The following ATP6V1G2 variants were observed in gnomAD, a reference collection of about 807,000 sequenced individuals.
ATP6V1G2 encodes the protein ATPase H+ transporting V1 subunit G2.
ATP6V1G2 carries 14 observed loss-of-function variants against 17.8 expected under a neutral mutation model. That is an observed-to-expected ratio of 0.79 (90% CI 0.52 to 1.23). The LOEUF (loss-of-function observed/expected upper bound fraction) is 1.23, where lower values mean the gene tolerates loss of function less well. Among genes scored for constraint, ATP6V1G2 ranks in the 50% most tolerant of loss-of-function variants. The pLI is 0.00. For missense variants in ATP6V1G2, 112 were observed against 152.2 expected (o/e 0.74, Z 1.39); for synonymous variants, 57 against 54.8 (o/e 1.04, Z -0.17).
In ATP6V1G2 at chr6:31,546,338, C is replaced by T; in HGVS notation, c.83-129G>A. 8.0e-7 allele frequency: 1 copy of T among 1,253,944 alleles called. No individual in the cohort carries two copies. The highest frequency in any genetic ancestry group is 1.1e-6 in the Non-Finnish European group (1 of 879,122). 77.7% of individuals were successfully genotyped at this position (1,253,944 alleles called of 1,614,324 possible). A position where few individuals can be genotyped will look rare whatever the true frequency, so the allele number is the denominator to read the frequency against. ...CAACCAGGTGCCAGATTCTAATATC[C>T]ATCCATTTCTTCCCTCCTAACCAGC... On this transcript the variant is annotated intron_variant, in intron 1 of 2. Coordinates refer to ENST00000303892, the MANE Select transcript of ATP6V1G2 (RefSeq NM_130463.4). The surrounding 1 kb of genome is among the most constrained non-coding windows in gnomAD (Gnocchi z 4.1).
Position 31,545,113 on chromosome 6 carries a change from G to A in ATP6V1G2, c.*295C>T, listed in dbSNP as rs1306601719. The A allele has an allele frequency of 9.6e-6, 5 of 521,594 alleles. No homozygotes were observed. In the East Asian group the frequency reaches 1.6e-4, roughly 17 times the overall value. The allele number at this position is 521,594 out of a possible 1,614,324, so 32.3% of individuals were successfully genotyped here. On this transcript the variant is annotated 3_prime_UTR_variant, in exon 3 of 3. Transcript: ENST00000303892. The surrounding 1 kb of genome is among the most constrained non-coding windows in gnomAD (Gnocchi z 4.9). ...TCAAGAGAGGGACCCACATCGGCCA[G>A]ACACTGAAGTCAGGATGTTTTCCAC...
In ATP6V1G2 at chr6:31,545,230, CAAG is replaced by C; in HGVS notation, c.*175_*177del. 2 of 755,232 alleles carry C rather than the reference CAAG, an allele frequency of 2.6e-6. No homozygotes were observed. Among genetic ancestry groups the C allele is most frequent in the Middle Eastern group, 5.7e-4 (2 of 3,502 alleles). The allele number at this position is 755,232 out of a possible 1,614,324, so 46.8% of individuals were successfully genotyped here. A position where few individuals can be genotyped will look rare whatever the true frequency, so the allele number is the denominator to read the frequency against. On this transcript the variant is annotated 3_prime_UTR_variant, in exon 3 of 3. Transcript: ENST00000303892. This position sits in a 1 kb window ranked among gnomAD's most constrained non-coding sequence, Gnocchi z 4.9. ...AGTCCCAGTGAGGGTTAAAGAACAA[CAAG>C]GAGATTCAGATGTGAGCAGGATATT...
rs1699979792 is a variant in ATP6V1G2 at position 31,545,994 on chromosome 6, CCCTCAG to C, written c.183+109_183+114del. Reference sequence around the variant, plus strand: ...CAATGTTGTGGTCCCTGCCAGGGTCCCCTCAGCCTCAGCCCTCTGCCACCATATTTT... The same window carrying C: ...CAATGTTGTGGTCCCTGCCAGGGTCCCCTCAGCCCTCTGCCACCATATTTT... On this transcript the variant is annotated intron_variant, in intron 2 of 2. Transcript: ENST00000303892. The surrounding 1 kb of genome is among the most constrained non-coding windows in gnomAD (Gnocchi z 4.9). 2.0e-6 allele frequency: 2 copies of C among 1,017,908 alleles called. No individual in the cohort carries two copies. The highest frequency in any genetic ancestry group is 3.1e-6 in the Non-Finnish European group (2 of 647,792). The allele number at this position is 1,017,908 out of a possible 1,614,324, so 63.1% of individuals were successfully genotyped here.
chr6:31,546,429 A>G lies in ATP6V1G2; in HGVS notation c.82+49T>C. ...TTTCCCAAAATGTTTGCTGTCCCCC[A>G]CCCCCAATTTTCTTTCCAAACTCCT... On this transcript the variant is annotated intron_variant, in intron 1 of 2. Coordinates refer to ENST00000303892, the MANE Select transcript of ATP6V1G2 (RefSeq NM_130463.4). The surrounding 1 kb of genome is among the most constrained non-coding windows in gnomAD (Gnocchi z 4.1). The G allele has an allele frequency of 1.3e-6, 2 of 1,560,256 alleles. No individual in the cohort carries two copies. Among genetic ancestry groups the G allele is most frequent in the Non-Finnish European group, 1.8e-6 (2 of 1,137,592 alleles).
Position 31,546,315 on chromosome 6 carries a change from A to G in ATP6V1G2, c.83-106T>C, listed in dbSNP as rs1768986634. ...AAGTTATACAGCCTTCTCTCAGCCA[A>G]CCAGGTGCCAGATTCTAATATCCAT... On this transcript the variant is annotated intron_variant, in intron 1 of 2. Transcript: ENST00000303892. The surrounding 1 kb of genome is among the most constrained non-coding windows in gnomAD (Gnocchi z 4.1). 3 of 1,295,096 alleles carry G rather than the reference A, an allele frequency of 2.3e-6. No individual in the cohort carries two copies. The highest frequency in any genetic ancestry group is 3.3e-6 in the Non-Finnish European group (3 of 905,674). The allele number at this position is 1,295,096 out of a possible 1,614,324, so 80.2% of individuals were successfully genotyped here. A position where few individuals can be genotyped will look rare whatever the true frequency, so the allele number is the denominator to read the frequency against.
rs1768997531 is a variant in ATP6V1G2, at chr6:31,546,432, C to G, written c.82+46G>C. 1 of 1,582,444 alleles carries G rather than the reference C, an allele frequency of 6.3e-7. No individual in the cohort carries two copies. Among genetic ancestry groups the G allele is most frequent in the African/African-American group, 1.3e-5 (1 of 74,196 alleles). ...CCCAAAATGTTTGCTGTCCCCCACCCCCAATTTTCTTTCCAAACTCCTAAG... is the reference window on the plus strand; with the variant it reads ...CCCAAAATGTTTGCTGTCCCCCACCGCCAATTTTCTTTCCAAACTCCTAAG... On this transcript the variant is annotated intron_variant, in intron 1 of 2. Coordinates refer to ENST00000303892, the MANE Select transcript of ATP6V1G2 (RefSeq NM_130463.4). This position sits in a 1 kb window ranked among gnomAD's most constrained non-coding sequence, Gnocchi z 4.1.
rs1768855225 is a variant in ATP6V1G2, at chr6:31,545,042, CAAGTT to C, written c.*361_*365del. On this transcript the variant is annotated 3_prime_UTR_variant, in exon 3 of 3. Transcript: ENST00000303892. The surrounding 1 kb of genome is among the most constrained non-coding windows in gnomAD (Gnocchi z 4.9). Reference sequence around the variant, plus strand: ...TCACAGAGGAGGACATCGAGGCTACCAAGTTAAGTAGCTTGTCCTGGTTTCACAGC... The same window carrying C: ...TCACAGAGGAGGACATCGAGGCTACCAAGTAGCTTGTCCTGGTTTCACAGC... 1.5e-5 allele frequency: 6 copies of C among 407,788 alleles called. No homozygotes were observed. Among genetic ancestry groups the C allele is most frequent in the South Asian group, 1.3e-4 (5 of 39,002 alleles). The allele number at this position is 407,788 out of a possible 1,614,324, so 25.3% of individuals were successfully genotyped here. A position where few individuals can be genotyped will look rare whatever the true frequency, so the allele number is the denominator to read the frequency against.
rs763181972 is a variant in ATP6V1G2 at position 31,546,431 on chromosome 6, C to T, written c.82+47G>A. On this transcript the variant is annotated intron_variant, in intron 1 of 2. Coordinates refer to ENST00000303892, the MANE Select transcript of ATP6V1G2 (RefSeq NM_130463.4). This position sits in a 1 kb window ranked among gnomAD's most constrained non-coding sequence, Gnocchi z 4.1. ...TCCCAAAATGTTTGCTGTCCCCCAC[C>T]CCCAATTTTCTTTCCAAACTCCTAA... is the stretch of plus-strand genomic sequence containing the variant. 2.4e-5 allele frequency: 38 copies of T among 1,578,804 alleles called. No homozygotes were observed. The Admixed American group carries it at 6.5e-4, about 27-fold the overall frequency.
Position 31,545,964 on chromosome 6 carries a change from T to C in ATP6V1G2, c.183+145A>G. ...ACTCTCCTACATATCATCACAAAGTTTCACCAATGTTGTGGTCCCTGCCAG... is the reference window on the plus strand; with the variant it reads ...ACTCTCCTACATATCATCACAAAGTCTCACCAATGTTGTGGTCCCTGCCAG... On this transcript the variant is annotated intron_variant, in intron 2 of 2. Coordinates refer to ENST00000303892, the MANE Select transcript of ATP6V1G2 (RefSeq NM_130463.4). The surrounding 1 kb of genome is among the most constrained non-coding windows in gnomAD (Gnocchi z 4.9). The C allele has an allele frequency of 1.3e-6, 1 of 769,738 alleles. No homozygotes were observed. The highest frequency in any genetic ancestry group is 2.2e-6 in the Non-Finnish European group (1 of 452,102). 47.7% of individuals were successfully genotyped at this position (769,738 alleles called of 1,614,324 possible).
In ATP6V1G2 at chr6:31,546,009, C is replaced by T. The variant is rs1768954036; in HGVS notation, c.183+100G>A. On this transcript the variant is annotated intron_variant, in intron 2 of 2. Coordinates refer to ENST00000303892, the MANE Select transcript of ATP6V1G2 (RefSeq NM_130463.4). The surrounding 1 kb of genome is among the most constrained non-coding windows in gnomAD (Gnocchi z 4.1). ...TGCCAGGGTCCCCTCAGCCTCAGCC[C>T]TCTGCCACCATATTTTCTTGTTGAG... 2 of 1,215,906 alleles carry T rather than the reference C, an allele frequency of 1.6e-6. No individual in the cohort carries two copies. The highest frequency in any genetic ancestry group is 2.4e-6 in the Non-Finnish European group (2 of 820,534). 75.3% of individuals were successfully genotyped at this position (1,215,906 alleles called of 1,614,324 possible).
At position 31,545,599 on chromosome 6, in the gene ATP6V1G2, G is replaced by A; in HGVS notation, c.184-18C>T. On this transcript the variant is annotated intron_variant, in intron 2 of 2. Coordinates refer to ENST00000303892, the MANE Select transcript of ATP6V1G2 (RefSeq NM_130463.4). The surrounding 1 kb of genome is among the most constrained non-coding windows in gnomAD (Gnocchi z 4.9). ...CCCATGGCCTGGGGGGTAGGGAGAG[G>A]GGTGGAAGAGAGAAAGGGAAAAGCA... The A allele has an allele frequency of 6.2e-7, 1 of 1,610,622 alleles. No individual in the cohort carries two copies. The highest frequency in any genetic ancestry group is 8.5e-7 in the Non-Finnish European group (1 of 1,178,584).
In ATP6V1G2 at chr6:31,545,509, T is replaced by C. The variant is rs374873236; in HGVS notation, c.256A>G (p.Ser86Gly). Residue 86 changes from serine to glycine, a missense_variant, in exon 3 of 3, where the codon AGC becomes GGC. By Grantham distance (56) the Ser-to-Gly change is moderately conservative. Transcript: ENST00000303892. This position sits in a 1 kb window ranked among gnomAD's most constrained non-coding sequence, Gnocchi z 4.9. ...CGCTCTCGGTTTCTCTGCTGGGAGC[T>C]CTGCATGCCCTGCACCTGGCGCCTT... The part of the protein sequence containing the change: ...ATRRQVQGMQ[S>G]SQQRNRERVL... 1 of 1,613,994 alleles carries C rather than the reference T, an allele frequency of 6.2e-7. No homozygotes were observed. Among genetic ancestry groups the C allele is most frequent in the Non-Finnish European group, 8.5e-7 (1 of 1,180,000 alleles).
chr6:31,545,586 G>C lies in ATP6V1G2; in HGVS notation c.184-5C>G, dbSNP rs766978635. 14 of 1,613,512 alleles carry C rather than the reference G, an allele frequency of 8.7e-6. No individual in the cohort carries two copies. Among genetic ancestry groups the C allele is most frequent in the Admixed American group, 1.7e-5 (1 of 59,944 alleles). ...GTTCCCCTGGGAGCCCATGGCCTGG[G>C]GGGTAGGGAGAGGGGTGGAAGAGAG... On this transcript the variant is annotated splice_polypyrimidine_tract_variant and splice_region_variant and intron_variant, in intron 2 of 2. Transcript: ENST00000303892. The surrounding 1 kb of genome is among the most constrained non-coding windows in gnomAD (Gnocchi z 4.9).
In ATP6V1G2 at chr6:31,545,180, G is replaced by T; in HGVS notation, c.*228C>A. On this transcript the variant is annotated 3_prime_UTR_variant, in exon 3 of 3. Transcript: ENST00000303892. This position sits in a 1 kb window ranked among gnomAD's most constrained non-coding sequence, Gnocchi z 4.9. ...ATTACAAATTTCACAGAGGGTTTAGGTGAGAATGACTTGGAAGTTTACAAA... is the reference window on the plus strand; with the variant it reads ...ATTACAAATTTCACAGAGGGTTTAGTTGAGAATGACTTGGAAGTTTACAAA... The T allele has an allele frequency of 1.6e-6, 1 of 614,756 alleles. No individual in the cohort carries two copies. Among genetic ancestry groups the T allele is most frequent in the Admixed American group, 3.1e-5 (1 of 32,018 alleles). 38.1% of individuals were successfully genotyped at this position (614,756 alleles called of 1,614,324 possible). A position where few individuals can be genotyped will look rare whatever the true frequency, so the allele number is the denominator to read the frequency against.
At position 31,545,636 on chromosome 6, in the gene ATP6V1G2, G is replaced by A. The variant is rs553289812; in HGVS notation, c.184-55C>T. On this transcript the variant is annotated intron_variant, in intron 2 of 2. Transcript: ENST00000303892. The surrounding 1 kb of genome is among the most constrained non-coding windows in gnomAD (Gnocchi z 4.9). ...GAAAGGGAAAAGCAGAAACAGACAAGGGTCCAGGCATATGAGGGGAAAGAT... is the reference window on the plus strand; with the variant it reads ...GAAAGGGAAAAGCAGAAACAGACAAAGGTCCAGGCATATGAGGGGAAAGAT... 2.7e-5 allele frequency: 43 copies of A among 1,573,180 alleles called. No homozygotes were observed. The highest frequency in any genetic ancestry group is 3.6e-5 in the Non-Finnish European group (42 of 1,156,590).
chr6:31,545,155 A>C lies in ATP6V1G2; in HGVS notation c.*253T>G. ...GTTTTCCACATTCCTACTTCCCCAT[A>C]TTACAAATTTCACAGAGGGTTTAGG... On this transcript the variant is annotated 3_prime_UTR_variant, in exon 3 of 3. Coordinates refer to ENST00000303892, the MANE Select transcript of ATP6V1G2 (RefSeq NM_130463.4). The surrounding 1 kb of genome is among the most constrained non-coding windows in gnomAD (Gnocchi z 4.9). 1 of 572,248 alleles carries C rather than the reference A, an allele frequency of 1.7e-6. No homozygotes were observed. Among genetic ancestry groups the C allele is most frequent in the Non-Finnish European group, 3.1e-6 (1 of 326,918 alleles). The allele number at this position is 572,248 out of a possible 1,614,324, so 35.4% of individuals were successfully genotyped here.
In ATP6V1G2 at chr6:31,545,378, T is replaced by A. The variant is rs369702683; in HGVS notation, c.*30A>T. The A allele has an allele frequency of 5.0e-6, 8 of 1,602,570 alleles. No individual in the cohort carries two copies. Among genetic ancestry groups the A allele is most frequent in the African/African-American group, 1.3e-5 (1 of 74,658 alleles). On this transcript the variant is annotated 3_prime_UTR_variant, in exon 3 of 3. Transcript: ENST00000303892. The surrounding 1 kb of genome is among the most constrained non-coding windows in gnomAD (Gnocchi z 4.9). ...GGAGGATTTCTTTGAGGGAGGGAAC[T>A]GGCAGAAGGAGTCAGGCCCTACGGT... is the stretch of plus-strand genomic sequence containing the variant.
In ATP6V1G2 at chr6:31,544,698, C is replaced by G; in HGVS notation, c.*710G>C. 2.2e-6 allele frequency: 1 copy of G among 456,342 alleles called. No homozygotes were observed. The highest frequency in any genetic ancestry group is 1.5e-5 in the South Asian group (1 of 64,522). The allele number at this position is 456,342 out of a possible 1,614,324, so 28.3% of individuals were successfully genotyped here. A position where few individuals can be genotyped will look rare whatever the true frequency, so the allele number is the denominator to read the frequency against. On this transcript the variant is annotated 3_prime_UTR_variant, in exon 3 of 3. Coordinates refer to ENST00000303892, the MANE Select transcript of ATP6V1G2 (RefSeq NM_130463.4). ...GAGGCTACAAAATGCAGTTATCTAC[C>G]TGGAATTATAAGAGAGGGGCTAAAT... is the stretch of plus-strand genomic sequence containing the variant.
At position 31,546,148 on chromosome 6, in the gene ATP6V1G2, G is replaced by A; in HGVS notation, c.144C>T (p.Arg48=). 6.2e-7 allele frequency: 1 copy of A among 1,613,994 alleles called. No individual in the cohort carries two copies. The highest frequency in any genetic ancestry group is 8.5e-7 in the Non-Finnish European group (1 of 1,180,018). The change falls in exon 2 of 3, where the codon CGC becomes CGT. Residue 48 remains arginine, a synonymous_variant. Coordinates refer to ENST00000303892, the MANE Select transcript of ATP6V1G2 (RefSeq NM_130463.4). This position sits in a 1 kb window ranked among gnomAD's most constrained non-coding sequence, Gnocchi z 4.1. ...TCTGGAATTCGTGCTCTCGCTCTCT[G>A]CGGTATTGCTCCACCTCCATCTGTG... ...EEAQMEVEQY[R]REREHEFQSK...
Sources: gnomAD v4.1 joint callset for allele counts on GRCh38, gnomAD v4.1.1 for gene constraint, Gnocchi (gnomAD v3.1) non-coding constraint, MANE v1.5 for transcripts, NCBI Gene and HGNC (gene_info 2026-07-23, HGNC 2026-07-21) for gene names.